The following NDST4 variants were observed in gnomAD, a reference collection of about 807,000 sequenced individuals.
NDST4 encodes the protein N-deacetylase and N-sulfotransferase 4, also known as N-heparan sulfate sulfotransferase 4.
NDST4 carries 63 observed loss-of-function variants against 100.8 expected under a neutral mutation model. The observed-to-expected ratio is 0.62, with a 90% CI of 0.51 to 0.77. The LOEUF (loss-of-function observed/expected upper bound fraction) is 0.77, where lower values mean the gene tolerates loss of function less well. Among genes scored for constraint, NDST4 ranks in the 30% least tolerant of loss-of-function variants. The probability of loss-of-function intolerance (pLI) is 0.00; values close to 1 mark genes in which losing one functional copy is unlikely to be tolerated. For synonymous variants in NDST4, 377 were observed against 361.8 expected, an observed-to-expected ratio of 1.04 and a Z score of -0.48; for missense variants, 943 against 1,018.4, an observed-to-expected ratio of 0.93 and a Z score of 1.01.
chr4:115,050,405 TACACACAC>T (rs36055187), intron 2 of NDST4, among the ~76,000 whole-genome samples: 1 of 149,518 alleles, frequency 6.7e-6, no homozygotes, highest in African/African-American at 2.4e-5. Context: ...AATGAAGCAT[TACACACAC>T]ACACACACAC....
chr4:114,943,291 C>T (rs1218106528), intron 4 of NDST4, among the ~76,000 whole-genome samples: 2 of 151,588 alleles, frequency 1.3e-5, no homozygotes, highest in Non-Finnish European at 2.9e-5. Context: ...TATATTTACA[C>T]TATAATTCAT....
chr4:114,897,056 A>C (rs1724731111), intron 6 of NDST4, among the ~76,000 whole-genome samples: 1 of 152,152 alleles, frequency 6.6e-6, no homozygotes, highest in Non-Finnish European at 1.5e-5. Flanking sequence ...AATTTTTATG[A>C]CTGATGAGCT....
intron 2 of NDST4, among the ~76,000 whole-genome samples, chr4:115,015,417 T>C (rs1199160021): frequency 6.6e-6 from 1 of 152,062 alleles, no homozygotes; most frequent in African/African-American, 2.4e-5. Context: ...AAACATTTCA[T>C]CTAGTTGTTC....
At chr4:115,058,915 A>T (rs1728757362) in intron 2 of NDST4, among the ~76,000 whole-genome samples, 1 of 151,984 alleles carries the variant, frequency 6.6e-6, no homozygotes, top group Admixed American at 6.6e-5. Context: ...ATTTAAAAAA[A>T]TTAAATGGTT....
chr4:114,874,315 C>T (rs1388526208), intron 6 of NDST4, among the ~76,000 whole-genome samples: 1 of 151,892 alleles, frequency 6.6e-6, no homozygotes, highest in East Asian at 1.9e-4. Context: ...GGAGGATAAG[C>T]TTTGTTTGAT....
At chr4:115,078,819 A>C (rs1714590478) in intron 1 of NDST4, among the ~76,000 whole-genome samples, 1 of 151,984 alleles carries the variant, frequency 6.6e-6, no homozygotes, top group South Asian at 2.1e-4. Flanking sequence ...CAGCCTGGGC[A>C]ATAGAGCAAA....
intron 1 of NDST4, among the ~76,000 whole-genome samples, chr4:115,096,830 C>A (rs1195405646): frequency 6.6e-6 from 1 of 152,060 alleles, no homozygotes; most frequent in Non-Finnish European, 1.5e-5. Flanking sequence ...TCCAATTTTT[C>A]TAGGACCTAC....
At chr4:114,914,420 C>T (rs1302787453) in intron 6 of NDST4, among the ~76,000 whole-genome samples, 2 of 151,998 alleles carry the variant, frequency 1.3e-5, no homozygotes, top group African/African-American at 2.4e-5. Flanking sequence ...ATCAAAATAT[C>T]TCATACATCC....
intron 4 of NDST4, among the ~76,000 whole-genome samples, chr4:114,954,177 GT>G (rs777277925): frequency 5.3e-5 from 8 of 151,676 alleles, no homozygotes; most frequent in Middle Eastern, 3.4e-3. Context: ...TTATTATTTG[GT>G]TTTTTTAAAC....
At chr4:114,972,496 A>G (rs1009179440) in intron 3 of NDST4, among the ~76,000 whole-genome samples, 13 of 152,052 alleles carry the variant, frequency 8.5e-5, no homozygotes, top group Non-Finnish European at 8.8e-5. Context: ...TAACAGTGTT[A>G]GTATTACTGA....
At chr4:114,914,661 G>A (rs1725131918) in intron 6 of NDST4, among the ~76,000 whole-genome samples, 1 of 152,022 alleles carries the variant, frequency 6.6e-6, no homozygotes, top group Admixed American at 6.6e-5. Context: ...TTCAGAATCA[G>A]TTCTGCTTTT....
chr4:114,842,064 G>A (rs982518664), intron 10 of NDST4, among the ~76,000 whole-genome samples: 1 of 151,932 alleles, frequency 6.6e-6, no homozygotes, highest in African/African-American at 2.4e-5. Flanking sequence ...CACTAAATTC[G>A]TACATACACA....
chr4:115,022,908 C>A (rs908636883), intron 2 of NDST4, among the ~76,000 whole-genome samples: 1 of 152,208 alleles, frequency 6.6e-6, no homozygotes. Context: ...GCCCCCTCAG[C>A]CACGTAGAAC....
At chr4:115,041,807 T>G (rs1728357756) in intron 2 of NDST4, among the ~76,000 whole-genome samples, 2 of 152,026 alleles carry the variant, frequency 1.3e-5, no homozygotes, top group Admixed American at 6.6e-5. Flanking sequence ...CAACATACAT[T>G]CAGGAAAGAC....
intron 3 of NDST4, among the ~76,000 whole-genome samples, chr4:114,974,129 T>C (rs1726578037): frequency 6.6e-6 from 1 of 152,022 alleles, no homozygotes; most frequent in Non-Finnish European, 1.5e-5. Context: ...GATATTATTA[T>C]CCCCATTTGG....
At chr4:115,109,758 T>G (rs531515434) in intron 1 of NDST4, among the ~76,000 whole-genome samples, 1 of 151,940 alleles carries the variant, frequency 6.6e-6, no homozygotes, top group Non-Finnish European at 1.5e-5. Flanking sequence ...AAATAGCCTA[T>G]GTATGTAAAT....
chr4:114,921,909 C>T (rs998395415), intron 6 of NDST4, among the ~76,000 whole-genome samples: 2 of 151,548 alleles, frequency 1.3e-5, no homozygotes, highest in African/African-American at 4.9e-5. Flanking sequence ...TTCCTTTTCT[C>T]TCCTCCTCTT....
chr4:114,949,555 T>A (rs560134502), intron 4 of NDST4, among the ~76,000 whole-genome samples: 2 of 152,212 alleles, frequency 1.3e-5, no homozygotes, highest in South Asian at 4.1e-4. Flanking sequence ...TCTTGGCATT[T>A]GCTCCATAGT....
intron 4 of NDST4, among the ~76,000 whole-genome samples, chr4:114,959,655 T>C (rs1206146832): frequency 1.3e-5 from 2 of 152,052 alleles, no homozygotes; most frequent in Non-Finnish European, 2.9e-5. Flanking sequence ...AGCCAAACCA[T>C]ATCAGGGTTC....
Sources: gnomAD v4.1 joint callset for allele counts (sites outside exome capture counted in the v4.1 genomes callset) on GRCh38, gnomAD v4.1.1 for gene constraint, MANE v1.5 for transcripts, NCBI Gene and HGNC (gene_info 2026-07-23, HGNC 2026-07-21) for gene names.